Variants in FMN1 observed in about 807,000 individuals in gnomAD.
FMN1 encodes the protein formin-1.
FMN1 carries 110 observed loss-of-function variants against 132.4 expected under a neutral mutation model. That is an observed-to-expected ratio of 0.83 (90% CI 0.71 to 0.97). The LOEUF (loss-of-function observed/expected upper bound fraction) is 0.97. Ranked by LOEUF, FMN1 falls within the 50% of genes least tolerant of loss-of-function variation. The pLI is 0.00. For synonymous variants in FMN1, 722 were observed against 651.7 expected (o/e 1.11, Z -1.64); for missense variants, 1,792 against 1,705.3 (o/e 1.05, Z -0.90).
chr15:32,797,194 G>C (rs16958952), intron 19 of FMN1, among the ~76,000 whole-genome samples: 10,884 of 152,264 alleles, frequency 0.071, 956 homozygotes, highest in East Asian at 0.46. Context: ...GTGGAATACA[G>C]TTATTTCAAC....
At chr15:33,144,375 T>G (rs2444977) in intron 4 of FMN1, among the ~76,000 whole-genome samples, 70,179 of 151,408 alleles carry the variant, frequency 0.46, 16,504 homozygotes, top group East Asian at 0.67. Flanking sequence ...GGTGGCTCAC[T>G]CCTGTAATCC....
chr15:32,961,088 G>C (rs2030478274), intron 9 of FMN1, among the ~76,000 whole-genome samples: 1 of 148,456 alleles, frequency 6.7e-6, no homozygotes, highest in Non-Finnish European at 1.5e-5. Flanking sequence ...GCTTAGATGT[G>C]AATTTCACAA....
intron 7 of FMN1, among the ~76,000 whole-genome samples, chr15:32,994,552 C>G (rs1040715982): frequency 6.6e-6 from 1 of 152,126 alleles, no homozygotes; most frequent in Admixed American, 6.5e-5. Flanking sequence ...TATTTATTGG[C>G]TGGTTATTTT....
At chr15:32,784,677 A>G (rs2056791569) in intron 19 of FMN1, among the ~76,000 whole-genome samples, 1 of 152,200 alleles carries the variant, frequency 6.6e-6, no homozygotes, top group African/African-American at 2.4e-5. Flanking sequence ...CTTTCCAGGT[A>G]AGTTCTAAGC....
intron 9 of FMN1, among the ~76,000 whole-genome samples, chr15:32,949,348 T>C (rs995632999): frequency 2.0e-5 from 3 of 151,974 alleles, no homozygotes; most frequent in Admixed American, 1.3e-4. Flanking sequence ...AACAAACACA[T>C]AGACCAAGTG....
intron 4 of FMN1, among the ~76,000 whole-genome samples, chr15:33,093,726 G>C (rs1453629085): frequency 6.6e-6 from 1 of 152,198 alleles, no homozygotes; most frequent in Non-Finnish European, 1.5e-5. Flanking sequence ...CAGGCGGAAG[G>C]TGTGGCCAGG....
rs183550252 is a variant in FMN1, at chr15:33,189,067, C to A, written c.-197+4842G>T. Among the ~76,000 whole-genome samples, 376 of 152,136 alleles carry A rather than the reference C, an allele frequency of 2.5e-3. 1 individual carries two copies. Among genetic ancestry groups the A allele is most frequent in the African/African-American group, 8.5e-3 (353 of 41,518 alleles). On this transcript the variant is annotated intron_variant, in intron 2 of 20. Coordinates refer to ENST00000616417, the MANE Select transcript of FMN1 (RefSeq NM_001277313.2). ...CATGGAGTTTCAGTTCTTCAAATAT[C>A]GTGAAAATTAGAATTAAATTGTTTT... is the stretch of plus-strand genomic sequence containing the variant.
chr15:32,989,318 T>A (rs2033286906), intron 7 of FMN1, among the ~76,000 whole-genome samples: 1 of 152,284 alleles, frequency 6.6e-6, no homozygotes, highest in East Asian at 1.9e-4. Flanking sequence ...ACTAGTCTGC[T>A]AAGTGCCTAA....
intron 9 of FMN1, among the ~76,000 whole-genome samples, chr15:32,936,756 GAAGAGC>G (rs1225665261): frequency 2.6e-5 from 4 of 152,144 alleles, no homozygotes; most frequent in African/African-American, 9.7e-5. Flanking sequence ...TGAAGATGAA[GAAGAGC>G]AAGAGGAGGA....
chr15:33,076,183 T>C (rs1595415965), intron 5 of FMN1, among the ~76,000 whole-genome samples: 1 of 152,184 alleles, frequency 6.6e-6, no homozygotes, highest in Non-Finnish European at 1.5e-5. Context: ...AGAAGAGCTT[T>C]GAGCTTTCCC....
rs1247604875 is a variant in FMN1, at chr15:32,848,326, ATG to A, written c.3928+8687_3928+8688del. 2.2e-5 allele frequency among the ~76,000 whole-genome samples: 3 copies of A among 138,554 alleles called. No individual in the cohort carries two copies. The East Asian group carries it at 6.1e-4, about 28-fold the overall frequency. The allele number at this position is 138,554 out of a possible 152,430, so 90.9% of individuals were successfully genotyped here. A position where few individuals can be genotyped will look rare whatever the true frequency, so the allele number is the denominator to read the frequency against. On this transcript the variant is annotated intron_variant, in intron 17 of 20. Transcript: ENST00000616417. ...AGAACGGAGGGGTTCCAGCAGGTTC[ATG>A]TGTGTGCACGTGTGTGTGCGTGCAC...
chr15:33,065,331 T>C (rs2037674925), intron 5 of FMN1, among the ~76,000 whole-genome samples: 1 of 152,158 alleles, frequency 6.6e-6, no homozygotes, highest in East Asian at 1.9e-4. Flanking sequence ...CCTTAAAAGA[T>C]TATTTTTATT....
At chr15:32,992,191 T>A (rs1166402769) in intron 7 of FMN1, among the ~76,000 whole-genome samples, 1 of 152,202 alleles carries the variant, frequency 6.6e-6, no homozygotes, top group Non-Finnish European at 1.5e-5. Context: ...AGTTTCCATT[T>A]GGTTTTGGCA....
intron 4 of FMN1, among the ~76,000 whole-genome samples, chr15:33,119,839 C>T (rs1261803684): frequency 1.3e-5 from 2 of 152,132 alleles, no homozygotes; most frequent in East Asian, 1.9e-4. Flanking sequence ...AAAATGACCT[C>T]CCCATCACTA....
chr15:32,940,193 T>C (rs1191155596), intron 9 of FMN1, among the ~76,000 whole-genome samples: 1 of 152,122 alleles, frequency 6.6e-6, no homozygotes, highest in Non-Finnish European at 1.5e-5. Flanking sequence ...GAATGACCTC[T>C]TGGCCAGCTG....
intron 6 of FMN1, among the ~76,000 whole-genome samples, chr15:33,039,226 G>T (rs1008992705): frequency 1.3e-5 from 2 of 152,162 alleles, no homozygotes; most frequent in East Asian, 3.8e-4. Context: ...AGCAAAACTG[G>T]AACTGAGGGA....
intron 16 of FMN1, among the ~76,000 whole-genome samples, chr15:32,871,073 T>C (rs996223425): frequency 3.9e-5 from 6 of 152,088 alleles, no homozygotes; most frequent in Non-Finnish European, 7.4e-5. Flanking sequence ...GCAGGGGTCC[T>C]AGGCAGGCAG....
intron 12 of FMN1, among the ~76,000 whole-genome samples, chr15:32,904,378 T>C (rs1465377746): frequency 6.6e-6 from 1 of 152,238 alleles, no homozygotes; most frequent in Non-Finnish European, 1.5e-5. Context: ...ATACAGGGTT[T>C]AAACTTCTGA....
At chr15:32,964,387 T>C (rs927361733) in intron 8 of FMN1, 130 bp from the exon 9 acceptor site, 11 of 662,566 alleles carry the variant, frequency 1.7e-5, no homozygotes, top group Non-Finnish European at 2.5e-5. Flanking sequence ...TAATAATGCT[T>C]GGAGAAAAGC....
Sources: allele counts gnomAD v4.1 joint callset (sites outside exome capture counted in the v4.1 genomes callset), GRCh38; gene constraint gnomAD v4.1.1; transcripts MANE v1.5; gene names NCBI Gene and HGNC (gene_info 2026-07-23, HGNC 2026-07-21).